The following PRIM2 variants were observed in gnomAD, a reference collection of about 807,000 sequenced individuals.
The protein encoded by PRIM2 is DNA primase subunit 2, also known as DNA primase large subunit.
PRIM2 carries 39 observed loss-of-function variants against 67.3 expected under a neutral mutation model. The ratio of observed to expected loss-of-function variants is 0.58; its 90% CI spans 0.45 to 0.76. PRIM2 has a LOEUF of 0.76. PRIM2 is among the 30% of genes least tolerant of loss of function. The pLI, the probability that PRIM2 is intolerant of heterozygous loss-of-function variation, is 0.00. For missense variants in PRIM2, 398 were observed against 598.7 expected (o/e 0.66, Z 3.50); for synonymous variants, 143 against 198.7 (o/e 0.72, Z 2.36).
At chr6:57,486,836 A>G (rs1773764427) in intron 7 of PRIM2, among the ~76,000 whole-genome samples, 3 of 152,328 alleles carry the variant, frequency 2.0e-5, no homozygotes, top group African/African-American at 7.2e-5. Context: ...AATTGAGTAG[A>G]CACTCAATAA....
intron 7 of PRIM2, among the ~76,000 whole-genome samples, chr6:57,458,843 G>A (rs1317966635): frequency 1.3e-5 from 2 of 152,118 alleles, no homozygotes; most frequent in Non-Finnish European, 2.9e-5. Flanking sequence ...AAATTGTATG[G>A]GAGGAATTAT....
chr6:57,451,504 A>G (rs962402750), intron 7 of PRIM2, among the ~76,000 whole-genome samples: 1 of 152,194 alleles, frequency 6.6e-6, no homozygotes, highest in African/African-American at 2.4e-5. Flanking sequence ...TGGATTCACC[A>G]TAAAATTTTT....
At chr6:57,642,338 G>A (rs1400101491) in intron 13 of PRIM2, among the ~76,000 whole-genome samples, 1 of 150,836 alleles carries the variant, frequency 6.6e-6, no homozygotes, top group African/African-American at 2.4e-5. Flanking sequence ...TAACCTGCAC[G>A]TTCTGCACAT....
At chr6:57,496,902 A>G (rs1774017572) in intron 7 of PRIM2, among the ~76,000 whole-genome samples, 1 of 152,190 alleles carries the variant, frequency 6.6e-6, no homozygotes. Flanking sequence ...GAAAAGATCC[A>G]GAATTGTCTC....
intron 13 of PRIM2, among the ~76,000 whole-genome samples, chr6:57,643,324 G>T (rs1344271503): frequency 6.6e-6 from 1 of 152,144 alleles, no homozygotes; most frequent in Non-Finnish European, 1.5e-5. Flanking sequence ...TTATAATGGA[G>T]ATATCATTAT....
At chr6:57,384,133 A>G (rs1770055124) in intron 7 of PRIM2, among the ~76,000 whole-genome samples, 1 of 152,184 alleles carries the variant, frequency 6.6e-6, no homozygotes, top group Non-Finnish European at 1.5e-5. Flanking sequence ...TGATGGTTGC[A>G]AAAATAGTTA....
intron 8 of PRIM2, among the ~76,000 whole-genome samples, chr6:57,527,284 CAGTTTTATTGTTTAGGCTAAAT>C (rs1422228080): frequency 6.6e-6 from 1 of 152,196 alleles, no homozygotes; most frequent in Non-Finnish European, 1.5e-5. Flanking sequence ...TCCTGAATTA[CAGTTTTATTGTTTAGGCTAAAT>C]AGTTTTTATC....
At chr6:57,428,678 A>G (rs1369710841) in intron 7 of PRIM2, among the ~76,000 whole-genome samples, 3 of 152,066 alleles carry the variant, frequency 2.0e-5, no homozygotes, top group Admixed American at 1.3e-4. Context: ...ACCTCTAAAT[A>G]TGGTTCTCTA....
At chr6:57,360,637 T>C (rs541403309) in intron 5 of PRIM2, among the ~76,000 whole-genome samples, 2 of 152,320 alleles carry the variant, frequency 1.3e-5, no homozygotes, top group Non-Finnish European at 2.9e-5. Context: ...CACAGCTGTT[T>C]GTGTTTGCTG....
intron 7 of PRIM2, among the ~76,000 whole-genome samples, chr6:57,430,114 A>G (rs1397786258): frequency 6.6e-6 from 1 of 152,086 alleles, no homozygotes; most frequent in Admixed American, 6.5e-5. Flanking sequence ...GGGACTGTGA[A>G]TTGTTAGTTC....
chr6:57,278,115 T>C, the PRIM2 span, among the ~76,000 whole-genome samples: 463 of 152,032 alleles, frequency 3.0e-3, 2 homozygotes, highest in Non-Finnish European at 4.8e-3. Flanking sequence ...TCACTTCAAG[T>C]TGAGAGTTTG....
intron 7 of PRIM2, among the ~76,000 whole-genome samples, chr6:57,437,629 T>C (rs1772053965): frequency 6.6e-6 from 1 of 151,314 alleles, no homozygotes; most frequent in African/African-American, 2.4e-5. Flanking sequence ...TATCTGTACA[T>C]TAACAACTAA....
intron 7 of PRIM2, among the ~76,000 whole-genome samples, chr6:57,425,062 ATAT>A (rs1207042505): frequency 2.6e-5 from 4 of 152,202 alleles, no homozygotes; most frequent in African/African-American, 7.2e-5. Context: ...TAACTGTGAA[ATAT>A]TATACTTAGG....
intron 7 of PRIM2, among the ~76,000 whole-genome samples, chr6:57,393,192 T>C (rs112840974): frequency 6.6e-6 from 1 of 152,122 alleles, no homozygotes; most frequent in Non-Finnish European, 1.5e-5. Context: ...CTGGATCAAG[T>C]GGCAGTTCTT....
chr6:57,590,125 T>G (rs1168027888), intron 10 of PRIM2, among the ~76,000 whole-genome samples: 4 of 152,182 alleles, frequency 2.6e-5, no homozygotes, highest in Non-Finnish European at 5.9e-5. Flanking sequence ...AATCAGAATC[T>G]TCATCAAAAT....
intron 7 of PRIM2, among the ~76,000 whole-genome samples, chr6:57,440,927 GA>G (rs1428612494): frequency 6.6e-6 from 1 of 152,064 alleles, no homozygotes; most frequent in Non-Finnish European, 1.5e-5. Context: ...TAGCAGAACA[GA>G]AATTATGCTG....
chr6:57,298,360 C>G, the PRIM2 span, among the ~76,000 whole-genome samples: 1 of 151,202 alleles, frequency 6.6e-6, no homozygotes, highest in Non-Finnish European at 1.5e-5. Context: ...GACTCTGTCT[C>G]AAAACAAAAC....
chr6:57,606,761 A>G (rs1776569641), intron 12 of PRIM2, among the ~76,000 whole-genome samples: 2 of 152,226 alleles, frequency 1.3e-5, no homozygotes, highest in Non-Finnish European at 1.5e-5. Flanking sequence ...TAAAAATAAA[A>G]TTTTTGAGCA....
chr6:57,431,849 T>C (rs1771841475), intron 7 of PRIM2, among the ~76,000 whole-genome samples: 3 of 152,206 alleles, frequency 2.0e-5, no homozygotes, highest in African/African-American at 7.2e-5. Context: ...TAACATTGTT[T>C]CATTCTTATG....
Sources: gnomAD v4.1 joint callset for allele counts (sites outside exome capture counted in the v4.1 genomes callset) on GRCh38, gnomAD v4.1.1 for gene constraint, MANE v1.5 for transcripts, NCBI Gene and HGNC (gene_info 2026-07-23, HGNC 2026-07-21) for gene names.